Variants in TEX9 observed in about 807,000 individuals in gnomAD.
TEX9 encodes the protein testis expressed 9.
TEX9 carries 74 observed loss-of-function variants against 59.6 expected under a neutral mutation model. The observed-to-expected ratio is 1.24, with a 90% CI of 1.03 to 1.51. The LOEUF (loss-of-function observed/expected upper bound fraction) is 1.51, where lower values mean the gene tolerates loss of function less well. Among genes scored for constraint, TEX9 ranks in the 40% most tolerant of loss-of-function variants. The probability of loss-of-function intolerance (pLI) is 0.00; values close to 1 mark genes in which losing one functional copy is unlikely to be tolerated. For missense variants in TEX9, 522 were observed against 447.8 expected (o/e 1.17, Z -1.49); for synonymous variants, 186 against 152.2 (o/e 1.22, Z -1.64).
At chr15:56,335,214 G>T (rs2682026) in intron 1 of TEX9, among the ~76,000 whole-genome samples, 1 of 151,888 alleles carries the variant, frequency 6.6e-6, no homozygotes, top group Non-Finnish European at 1.5e-5. Flanking sequence ...GTTTATTGCA[G>T]CACTGTTTAC....
At chr15:56,280,476 A>C (rs2044788943) in intron 1 of TEX9, among the ~76,000 whole-genome samples, 1 of 152,238 alleles carries the variant, frequency 6.6e-6, no homozygotes, top group Non-Finnish European at 1.5e-5. Flanking sequence ...CAAAGATTGG[A>C]GGTATAATGA....
intron 3 of TEX9, among the ~76,000 whole-genome samples, chr15:56,376,585 C>T (rs2047464388): frequency 2.0e-5 from 3 of 152,032 alleles, no homozygotes; most frequent in South Asian, 4.1e-4. Flanking sequence ...ATCTTTTGCT[C>T]ATTTTTAAAT....
At chr15:56,329,010 A>AC (rs61144591) in intron 1 of TEX9, among the ~76,000 whole-genome samples, 5,054 of 152,258 alleles carry the variant, frequency 0.033, 311 homozygotes, top group African/African-American at 0.11. Flanking sequence ...TTTGACCCAG[A>AC]GCAGTCCCAG....
At chr15:56,428,042 C>T (rs2050400417) in intron 11 of TEX9, among the ~76,000 whole-genome samples, 2 of 152,056 alleles carry the variant, frequency 1.3e-5, no homozygotes, top group South Asian at 4.1e-4. Context: ...GACTGTTTGC[C>T]TCTTCAAACC....
At chr15:56,344,199 A>G (rs1269680974) in intron 1 of TEX9, among the ~76,000 whole-genome samples, 1 of 152,176 alleles carries the variant, frequency 6.6e-6, no homozygotes. Flanking sequence ...ACATATGTTC[A>G]CTCTAAAGCT....
At chr15:56,336,117 G>C (rs761210047) in intron 1 of TEX9, among the ~76,000 whole-genome samples, 3 of 152,122 alleles carry the variant, frequency 2.0e-5, no homozygotes, top group Non-Finnish European at 4.4e-5. Flanking sequence ...CAGAGTACTT[G>C]TTATTTGTTA....
intron 1 of TEX9, among the ~76,000 whole-genome samples, chr15:56,339,795 A>G (rs1458368534): frequency 6.6e-6 from 1 of 152,058 alleles, no homozygotes; most frequent in Non-Finnish European, 1.5e-5. Context: ...TAGTGCCCTT[A>G]TAAAAGATTC....
intron 1 of TEX9, among the ~76,000 whole-genome samples, chr15:56,256,619 A>C: frequency 6.6e-6 from 1 of 151,852 alleles, no homozygotes; most frequent in Non-Finnish European, 1.5e-5. Context: ...AAAGAACCAA[A>C]AATGTCAAAA....
intron 1 of TEX9, among the ~76,000 whole-genome samples, chr15:56,246,667 C>G (rs1478007541): frequency 1.3e-5 from 2 of 152,180 alleles, no homozygotes; most frequent in African/African-American, 4.8e-5. Context: ...TTTTGACTCT[C>G]TGGTAAATAA....
chr15:56,251,523 T>C (rs1029877403), intron 1 of TEX9, among the ~76,000 whole-genome samples: 2 of 152,132 alleles, frequency 1.3e-5, no homozygotes, highest in South Asian at 4.1e-4. Flanking sequence ...TGATTCCTTT[T>C]TTGGAGAGTA....
chr15:56,256,527 T>C (rs2044148886), intron 1 of TEX9, among the ~76,000 whole-genome samples: 1 of 151,892 alleles, frequency 6.6e-6, no homozygotes, highest in Admixed American at 6.6e-5. Flanking sequence ...AGCAAGGGTA[T>C]TACTAAAGGA....
intron 2 of TEX9, among the ~76,000 whole-genome samples, chr15:56,367,781 T>C (rs1189045328): frequency 6.6e-6 from 1 of 152,204 alleles, no homozygotes; most frequent in African/African-American, 2.4e-5. Context: ...TTCAAGGTAC[T>C]GAATAGTTGC....
At chr15:56,350,219 C>T (rs544738854) in intron 1 of TEX9, among the ~76,000 whole-genome samples, 15 of 152,250 alleles carry the variant, frequency 9.9e-5, no homozygotes, top group African/African-American at 3.4e-4. Flanking sequence ...AATATTATTT[C>T]TGTATTAATA....
chr15:56,318,521 A>T (rs1400805102), intron 1 of TEX9, among the ~76,000 whole-genome samples: 1 of 152,094 alleles, frequency 6.6e-6, no homozygotes, highest in Non-Finnish European at 1.5e-5. Flanking sequence ...TTTACATTTA[A>T]TAAAATTACT....
intron 1 of TEX9, among the ~76,000 whole-genome samples, chr15:56,288,925 A>T (rs753228593): frequency 6.0e-5 from 9 of 151,198 alleles, no homozygotes; most frequent in African/African-American, 9.7e-5. Flanking sequence ...CTTCCTTTTC[A>T]TTTGTTTCCC....
chr15:56,407,022 C>T (rs1014633557), intron 9 of TEX9, among the ~76,000 whole-genome samples: 38 of 152,086 alleles, frequency 2.5e-4, no homozygotes, highest in Non-Finnish European at 2.8e-4. Context: ...TCTAAGAAAT[C>T]TTTATCCACT....
chr15:56,326,653 G>A (rs2046025779), intron 1 of TEX9, among the ~76,000 whole-genome samples: 1 of 152,128 alleles, frequency 6.6e-6, no homozygotes, highest in African/African-American at 2.4e-5. Context: ...CCAATGAAAG[G>A]TGTGTTCGTA....
At position 56,313,225 on chromosome 15, in the gene TEX9, G is replaced by C. The variant is rs559397556; in HGVS notation, c.-106-60216G>C. 1.3e-3 allele frequency among the ~76,000 whole-genome samples: 175 copies of C among 138,782 alleles called. 2 individuals carry two copies. Among genetic ancestry groups the C allele is most frequent in the Non-Finnish European group, 3.0e-4 (19 of 63,788 alleles). The allele number at this position is 138,782 out of a possible 152,430, so 91.0% of individuals were successfully genotyped here. On this transcript the variant is annotated intron_variant, in intron 1 of 5. Coordinates refer to the TEX9 transcript ENST00000560827. ...GAGAGGGCATCCCTGTCTTGTGCCA[G>C]TTTTCAAAGGGAATGCTTCCAGTTT...
At chr15:56,287,654 C>G (rs1194773512) in intron 1 of TEX9, among the ~76,000 whole-genome samples, 1 of 151,970 alleles carries the variant, frequency 6.6e-6, no homozygotes, top group African/African-American at 2.4e-5. Flanking sequence ...AATTTTTTGT[C>G]TTTTGACCAA....
Sources: gnomAD v4.1 joint callset for allele counts (sites outside exome capture counted in the v4.1 genomes callset) on GRCh38, gnomAD v4.1.1 for gene constraint, MANE v1.5 for transcripts, NCBI Gene and HGNC (gene_info 2026-07-23, HGNC 2026-07-21) for gene names.